The following DNAH6 variants were observed in gnomAD, a reference collection of about 807,000 sequenced individuals.
DNAH6 encodes dynein axonemal heavy chain 6.
Under a neutral mutation model 491.4 loss-of-function variants are expected in DNAH6, and 340 were observed. The ratio of observed to expected loss-of-function variants is 0.69; its 90% confidence interval spans 0.63 to 0.76. The LOEUF is 0.76. Ranked by LOEUF, DNAH6 falls within the 30% of genes least tolerant of loss-of-function variation. The probability of loss-of-function intolerance (pLI) is 0.00; values close to 1 mark genes in which losing one functional copy is unlikely to be tolerated. For missense variants in DNAH6, 4,443 were observed against 4,972.2 expected (o/e 0.89, Z 3.20); for synonymous variants, 1,603 against 1,686.1 (o/e 0.95, Z 1.21).
chr2:84,508,735 T>C, the DNAH6 span, among the ~76,000 whole-genome samples: 5 of 152,212 alleles, frequency 3.3e-5, no homozygotes, highest in South Asian at 1.0e-3. Context: ...CACACTGCTT[T>C]GAATGTGTCC....
intron 7 of DNAH6, among the ~76,000 whole-genome samples, chr2:84,547,851 ATTAATAAGCACT>A (rs1678926923): frequency 1.3e-5 from 2 of 152,210 alleles, no homozygotes; most frequent in African/African-American, 4.8e-5. Flanking sequence ...CAGAATCTTG[ATTAATAAGCACT>A]TTAGAGTGGA....
intron 69 of DNAH6, among the ~76,000 whole-genome samples, chr2:84,797,127 T>C (rs893049863): frequency 1.3e-5 from 2 of 152,202 alleles, no homozygotes; most frequent in African/African-American, 4.8e-5. Context: ...ATGTAGCTTT[T>C]AGTTTGGGCA....
intron 41 of DNAH6, among the ~76,000 whole-genome samples, chr2:84,679,092 A>ATTTT (rs1205899990): frequency 1.3e-5 from 2 of 152,200 alleles, no homozygotes; most frequent in Non-Finnish European, 2.9e-5. Context: ...CAAAATCAAT[A>ATTTT]AAGTAAATTT....
At chr2:84,675,957 G>T (rs1440249839) in intron 40 of DNAH6, among the ~76,000 whole-genome samples, 2 of 152,130 alleles carry the variant, frequency 1.3e-5, no homozygotes, top group Non-Finnish European at 2.9e-5. Flanking sequence ...TTGATTTATG[G>T]TATTAACCTC....
intron 18 of DNAH6, among the ~76,000 whole-genome samples, chr2:84,599,943 A>C (rs894491754): frequency 2.0e-5 from 3 of 152,164 alleles, no homozygotes; most frequent in Non-Finnish European, 4.4e-5. Flanking sequence ...TGTCCTTTTA[A>C]ATTTTTTAAG....
At chr2:84,598,551 A>G (rs1455948479) in intron 18 of DNAH6, among the ~76,000 whole-genome samples, 2 of 152,162 alleles carry the variant, frequency 1.3e-5, no homozygotes, top group Non-Finnish European at 2.9e-5. Context: ...TATAGTAAGC[A>G]TACGTTTAAC....
chr2:84,596,939 CTT>C (rs1424033167), intron 18 of DNAH6, among the ~76,000 whole-genome samples: 1 of 152,066 alleles, frequency 6.6e-6, no homozygotes, highest in African/African-American at 2.4e-5. Context: ...TTTTTTTAAA[CTT>C]GAATACAGTA....
chr2:84,525,644 G>A lies in DNAH6; in HGVS notation c.305G>A (p.Gly102Glu), dbSNP rs1414942520. Residue 102 changes from glycine to glutamate, a missense_variant, in exon 3 of 77, where the codon GGA (glycine) becomes GAA (glutamate). Physicochemically the swap from Gly to Glu is moderately conservative, Grantham distance 98. Around this residue, in one of 3 missense-constraint regions of DNAH6, gnomAD observed 2,977 missense variants for 3,296.6 expected, o/e 0.90. Transcript: ENST00000389394. Reference protein sequence around the residue: ...EQNRFQLMTAGIIKRPVSIAK... With the variant: ...EQNRFQLMTAEIIKRPVSIAK... ...AACCGATTTCAGTTAATGACTGCAGGAATCATTAAACGTCCAGTAAGCATA... is the reference window on the plus strand; with the variant it reads ...AACCGATTTCAGTTAATGACTGCAGAAATCATTAAACGTCCAGTAAGCATA... 1 of 1,550,342 alleles carries A rather than the reference G, an allele frequency of 6.5e-7. No homozygotes were observed. The highest frequency in any genetic ancestry group is 8.7e-7 in the Non-Finnish European group (1 of 1,146,174).
chr2:84,750,665 C>G (rs2105071645), intron 63 of DNAH6: 1 of 152,258 alleles, frequency 6.6e-6, no homozygotes, highest in South Asian at 2.1e-4. Context: ...GTGGGTGAAG[C>G]ATCAAGTTCA....
the DNAH6 span, among the ~76,000 whole-genome samples, chr2:84,493,549 G>T: frequency 6.6e-6 from 1 of 152,044 alleles, no homozygotes; most frequent in East Asian, 1.9e-4. Context: ...AAAGATACAC[G>T]TAGCTTTCAA....
the DNAH6 span, among the ~76,000 whole-genome samples, chr2:84,482,263 A>C: frequency 1.3e-5 from 2 of 152,208 alleles, no homozygotes; most frequent in Non-Finnish European, 2.9e-5. Context: ...CAACACACAA[A>C]AAAAGTATAT....
Position 84,709,340 on chromosome 2 carries a change from C to T in DNAH6, c.9049-3C>T, listed in dbSNP as rs931446312. ...ACTCAAGTAAGCTTTCCCCCTTCTA[C>T]AGCTTATAGAGTGTTGGATCCAGGA... On this transcript the variant is annotated splice_region_variant and splice_polypyrimidine_tract_variant and intron_variant, in intron 54 of 76. Coordinates refer to ENST00000389394, the MANE Select transcript of DNAH6 (RefSeq NM_001370.2). 2 of 1,551,552 alleles carry T rather than the reference C, an allele frequency of 1.3e-6. No individual in the cohort carries two copies. Among genetic ancestry groups the T allele is most frequent in the Middle Eastern group, 1.7e-4 (1 of 5,988 alleles).
At chr2:84,462,731 G>A in the DNAH6 span, among the ~76,000 whole-genome samples, 1 of 152,210 alleles carries the variant, frequency 6.6e-6, no homozygotes, top group African/African-American at 2.4e-5. Context: ...CTTGGTCAGA[G>A]AATGCTTGAG....
At chr2:84,556,636 C>G (rs1264341403) in intron 10 of DNAH6, among the ~76,000 whole-genome samples, 3 of 151,948 alleles carry the variant, frequency 2.0e-5, no homozygotes, top group Non-Finnish European at 2.9e-5. Flanking sequence ...TAAAATAATC[C>G]ATAATATTAT....
chr2:84,505,636 G>A, the DNAH6 span, among the ~76,000 whole-genome samples: 3 of 151,942 alleles, frequency 2.0e-5, no homozygotes, highest in Non-Finnish European at 2.9e-5. Context: ...GTATACATGT[G>A]CCATGTTGGT....
At chr2:84,573,405 T>C (rs1682092176) in intron 11 of DNAH6, 62 bp from the exon 12 acceptor site, 2 of 1,389,868 alleles carry the variant, frequency 1.4e-6, no homozygotes, top group Non-Finnish European at 2.0e-6. Context: ...TTTAGTTGTA[T>C]TGAATTAAAT....
At chr2:84,654,848 A>C in intron 35 of DNAH6, 66 bp downstream of exon 35, 1 of 1,510,952 alleles carries the variant, frequency 6.6e-7, no homozygotes, top group South Asian at 1.2e-5. Flanking sequence ...TCTAGTGCAC[A>C]AATAACAATA....
At chr2:84,688,682 C>A in intron 45 of DNAH6, 89 bp downstream of exon 45, 1 of 1,070,904 alleles carries the variant, frequency 9.3e-7, no homozygotes. Flanking sequence ...ACTCTTCAAA[C>A]AGATTGCTAG....
chr2:84,488,213 A>G, the DNAH6 span, among the ~76,000 whole-genome samples: 1 of 152,178 alleles, frequency 6.6e-6, no homozygotes, highest in South Asian at 2.1e-4. Context: ...GTAACAAATT[A>G]CCACAAAGGT....
Sources: allele counts gnomAD v4.1 joint callset (sites outside exome capture counted in the v4.1 genomes callset), GRCh38; gene constraint gnomAD v4.1.1; regional missense constraint gnomAD v4.1.1; transcripts MANE v1.5; gene names NCBI Gene and HGNC (gene_info 2026-07-23, HGNC 2026-07-21).